Variants in BRWD3 observed in about 807,000 individuals in gnomAD.
BRWD3 encodes the protein bromodomain and WD repeat domain containing 3.
In BRWD3, 10 loss-of-function variants were observed where a neutral mutation model predicts 149.7. That is an observed-to-expected ratio of 0.07 (90% CI 0.04 to 0.11). The LOEUF is 0.11. Ranked by LOEUF, BRWD3 falls within the 10% of genes least tolerant of loss-of-function variation. The pLI, the probability that BRWD3 is intolerant of heterozygous loss-of-function variation, is 1.00. For missense variants in BRWD3, 940 were observed against 1,373.2 expected (o/e 0.68, Z 4.99); for synonymous variants, 504 against 456.7 (o/e 1.10, Z -1.32).
chrX:80,704,870 A>T lies in BRWD3; in HGVS notation c.2553-24T>A, dbSNP rs1039720109. ...CACTGTAAATAAATCAAAATTATGGATACCTAAGTATAGAAAAGGAGTAGT... is the reference window on the plus strand; with the variant it reads ...CACTGTAAATAAATCAAAATTATGGTTACCTAAGTATAGAAAAGGAGTAGT... On this transcript the variant is annotated intron_variant, in intron 22 of 40. Coordinates refer to ENST00000373275, the MANE Select transcript of BRWD3 (RefSeq NM_153252.5). The T allele has an allele frequency of 5.2e-6, 6 of 1,154,539 alleles. No individual in the cohort carries two copies. In the African/African-American group the frequency reaches 8.9e-5, roughly 17 times the overall value.
intron 6 of BRWD3, among the ~76,000 whole-genome samples, chrX:80,760,210 G>A (rs776182083): frequency 1.8e-5 from 2 of 111,204 alleles, no homozygotes; most frequent in Non-Finnish European, 3.8e-5. Context: ...TATTACACCT[G>A]CTATCCATCA....
intron 12 of BRWD3, among the ~76,000 whole-genome samples, chrX:80,730,389 A>AAAAGAAAGAAAGAAAG (rs56311451): frequency 0.022 from 1,732 of 77,644 alleles, 36 homozygotes; most frequent in African/African-American, 0.037. Context: ...ATTATTTAGC[A>AAAAGAAAGAAAGAAAG]AAAGAAAGAA....
intron 23 of BRWD3, among the ~76,000 whole-genome samples, chrX:80,703,812 C>T (rs1055822027): frequency 4.5e-5 from 5 of 111,659 alleles, no homozygotes; most frequent in African/African-American, 1.6e-4. Flanking sequence ...CAAGTAATAA[C>T]TTGACACTAT....
chrX:80,719,683 A>G (rs774563437), intron 17 of BRWD3, 27 bp from the exon 18 acceptor site: 8 of 1,192,138 alleles, frequency 6.7e-6, no homozygotes, highest in Non-Finnish European at 9.1e-6. Flanking sequence ...ACAAAGCCAC[A>G]AAATTACTTA....
chrX:80,714,199 T>C (rs1276045803), intron 20 of BRWD3, among the ~76,000 whole-genome samples: 1 of 108,103 alleles, frequency 9.3e-6, no homozygotes, highest in Non-Finnish European at 1.9e-5. Flanking sequence ...ATAAGAATCT[T>C]GGTCTTCACA....
intron 24 of BRWD3, among the ~76,000 whole-genome samples, chrX:80,700,369 G>T (rs190694859): frequency 4.0e-4 from 35 of 88,116 alleles, no homozygotes; most frequent in African/African-American, 1.3e-3. Context: ...TAAAGTATAT[G>T]TGCCCCTCCA....
intron 21 of BRWD3, among the ~76,000 whole-genome samples, chrX:80,707,783 AAATACATTAGAAACATTGTTTTC>A (rs2147722618): frequency 8.9e-6 from 1 of 111,970 alleles, no homozygotes; most frequent in Non-Finnish European, 1.9e-5. Context: ...TAACCCTCTT[AAATACATTAGAAACATTGTTTTC>A]AAAATGCCTA....
At chrX:80,781,502 C>G (rs761560620) in intron 6 of BRWD3, among the ~76,000 whole-genome samples, 16 of 111,035 alleles carry the variant, frequency 1.4e-4, no homozygotes, top group Non-Finnish European at 3.0e-4. Flanking sequence ...CTCAGTCCCC[C>G]CTCTCAACAA....
Position 80,674,817 on chromosome X carries a change from G to A in BRWD3, c.*1792C>T, listed in dbSNP as rs992300268. ...CTGCAAGTGAAAACTGCTTAAAGAT[G>A]TTAGTCCAAGAATAACCCTACTGCC... On this transcript the variant is annotated 3_prime_UTR_variant, in exon 41 of 41. Transcript: ENST00000373275. 2.7e-5 allele frequency: 3 copies of A among 111,746 alleles called. No homozygotes were observed. The highest frequency in any genetic ancestry group is 9.7e-5 in the African/African-American group (3 of 30,805). 9.2% of individuals were successfully genotyped at this position (111,746 alleles called of 1,213,427 possible).
intron 6 of BRWD3, among the ~76,000 whole-genome samples, chrX:80,789,021 CT>C (rs1372600414): frequency 8.9e-6 from 1 of 111,848 alleles, no homozygotes; most frequent in African/African-American, 3.2e-5. Context: ...TTTGTCAAAA[CT>C]TATTGAACTG....
chrX:80,692,788 A>G (rs2072629913), intron 28 of BRWD3, 152 bp downstream of exon 28: 3 of 469,494 alleles, frequency 6.4e-6, no homozygotes, highest in Non-Finnish European at 1.1e-5. Flanking sequence ...GGAAGAACTG[A>G]GCATTTTACC....
rs945354092 is a variant in BRWD3, at chrX:80,691,227, T to C, written c.3482-54A>G. ...AGCTATAAAGGACATTAACATCTCA[T>C]GGTAACAAACATTTATTCATATATA... is the stretch of plus-strand genomic sequence containing the variant. On this transcript the variant is annotated intron_variant, in intron 30 of 40. Transcript: ENST00000373275. The C allele has an allele frequency of 2.6e-5, 30 of 1,138,872 alleles. No individual in the cohort carries two copies. The East Asian group carries it at 2.7e-4, about 10-fold the overall frequency. The allele number at this position is 1,138,872 out of a possible 1,213,427, so 93.9% of individuals were successfully genotyped here. A position where few individuals can be genotyped will look rare whatever the true frequency, so the allele number is the denominator to read the frequency against.
chrX:80,775,434 T>C (rs1049565052), intron 6 of BRWD3, among the ~76,000 whole-genome samples: 7 of 112,023 alleles, frequency 6.2e-5, no homozygotes, highest in Non-Finnish European at 1.3e-4. Flanking sequence ...AATAAAATTA[T>C]GGCTTTTTAC....
chrX:80,803,546 G>A (rs1175050315), intron 4 of BRWD3, among the ~76,000 whole-genome samples: 1 of 111,984 alleles, frequency 8.9e-6, no homozygotes, highest in Non-Finnish European at 1.9e-5. Flanking sequence ...TTCAGAGAGC[G>A]CGTGGTGGCT....
chrX:80,714,855 G>C (rs1442724551), intron 20 of BRWD3, among the ~76,000 whole-genome samples: 1 of 112,143 alleles, frequency 8.9e-6, no homozygotes. Context: ...AGTAACTATG[G>C]ATAACTTACC....
intron 6 of BRWD3, among the ~76,000 whole-genome samples, chrX:80,785,678 T>A (rs1396786850): frequency 8.9e-6 from 1 of 111,918 alleles, no homozygotes; most frequent in Admixed American, 9.5e-5. Context: ...TTAAAGTGAG[T>A]CGCTAAAATC....
At chrX:80,686,699 A>AT (rs779534796) in intron 35 of BRWD3, among the ~76,000 whole-genome samples, 164 bp downstream of exon 35, 2 of 111,335 alleles carry the variant, frequency 1.8e-5, no homozygotes, top group South Asian at 7.4e-4. Context: ...ACACAATTAC[A>AT]TTTTTTTAAA....
chrX:80,692,872 G>C, intron 28 of BRWD3, 68 bp downstream of exon 28: 3 of 840,048 alleles, frequency 3.6e-6, no homozygotes, highest in Non-Finnish European at 5.4e-6. Flanking sequence ...ACTCCTGATG[G>C]AGGCTATTAA....
chrX:80,719,428 G>T, intron 18 of BRWD3, 61 bp downstream of exon 18: 1 of 1,007,879 alleles, frequency 9.9e-7, no homozygotes, highest in Non-Finnish European at 1.4e-6. Flanking sequence ...GTAATTATTT[G>T]GTAAAAGTAA....
Sources: gnomAD v4.1 joint callset for allele counts (sites outside exome capture counted in the v4.1 genomes callset) on GRCh38, gnomAD v4.1.1 for gene constraint, MANE v1.5 for transcripts, NCBI Gene and HGNC (gene_info 2026-07-23, HGNC 2026-07-21) for gene names.